The following VGLL3 variants were observed in gnomAD, a reference collection of about 807,000 sequenced individuals.
The protein encoded by VGLL3 is transcription cofactor vestigial-like protein 3.
A neutral mutation model predicts 29.2 loss-of-function variants in VGLL3; 18 were observed. The observed-to-expected ratio is 0.62, with a 90% CI of 0.43 to 0.91. The LOEUF (loss-of-function observed/expected upper bound fraction) is 0.91. Among genes scored for constraint, VGLL3 ranks in the 40% least tolerant of loss-of-function variants. The probability of loss-of-function intolerance (pLI) is 0.00; values close to 1 mark genes in which losing one functional copy is unlikely to be tolerated. For missense variants in VGLL3, 440 were observed against 413.2 expected (o/e 1.06, Z -0.56); for synonymous variants, 180 against 151.8 (o/e 1.19, Z -1.36).
At position 86,941,395 on chromosome 3, in the gene VGLL3, T is replaced by C. The variant is rs1222297076; in HGVS notation, c.*5629A>G. On this transcript the variant is annotated 3_prime_UTR_variant, in exon 4 of 4. Coordinates refer to ENST00000398399, the MANE Select transcript of VGLL3 (RefSeq NM_016206.4). ...CATATACCAAAAAAACTAATTAAAG[T>C]ATGTTGCATTTTAAAAGAATTATTC... is the stretch of plus-strand genomic sequence containing the variant. 2 of 152,402 alleles carry C rather than the reference T, an allele frequency of 1.3e-5. No individual in the cohort carries two copies. Among genetic ancestry groups the C allele is most frequent in the East Asian group, 3.9e-4 (2 of 5,178 alleles). 9.4% of individuals were successfully genotyped at this position (152,402 alleles called of 1,614,324 possible). A position where few individuals can be genotyped will look rare whatever the true frequency, so the allele number is the denominator to read the frequency against.
intron 2 of VGLL3, among the ~76,000 whole-genome samples, chr3:86,972,218 T>C (rs941836310): frequency 4.6e-5 from 7 of 152,212 alleles, no homozygotes; most frequent in African/African-American, 1.7e-4. Flanking sequence ...AGTGAAGACA[T>C]TATTACTGAA....
rs183545536 is a variant in VGLL3, at chr3:86,973,755, C to T, written c.404-4632G>A. 4.7e-3 allele frequency among the ~76,000 whole-genome samples: 719 copies of T among 152,196 alleles called. 2 individuals carry two copies. The highest frequency in any genetic ancestry group is 6.5e-3 in the Non-Finnish European group (443 of 68,012). ...TTTCTCCATTTGACTATTTAGGTTTCGTATTTATTTTGAGAGCTTTTTCCC... is the reference window on the plus strand; with the variant it reads ...TTTCTCCATTTGACTATTTAGGTTTTGTATTTATTTTGAGAGCTTTTTCCC... On this transcript the variant is annotated intron_variant, in intron 2 of 3. Coordinates refer to ENST00000398399, the MANE Select transcript of VGLL3 (RefSeq NM_016206.4).
chr3:86,951,263 T>C (rs1003756470), intron 3 of VGLL3, among the ~76,000 whole-genome samples: 1 of 152,180 alleles, frequency 6.6e-6, no homozygotes, highest in African/African-American at 2.4e-5. Context: ...CAAAATATCA[T>C]AAACTAGATA....
intron 3 of VGLL3, among the ~76,000 whole-genome samples, chr3:86,959,803 A>G (rs1396506509): frequency 6.6e-6 from 1 of 152,136 alleles, no homozygotes; most frequent in Non-Finnish European, 1.5e-5. Flanking sequence ...TTATTTAGCA[A>G]GGTTATTTGT....
intron 3 of VGLL3, among the ~76,000 whole-genome samples, chr3:86,965,042 A>C (rs911083062): frequency 3.9e-5 from 6 of 152,134 alleles, no homozygotes; most frequent in South Asian, 2.1e-4. Flanking sequence ...CTGTAGTCCC[A>C]GCTACTCGGG....
At chr3:86,989,741 C>T (rs1705539355) in intron 1 of VGLL3, among the ~76,000 whole-genome samples, 1 of 152,052 alleles carries the variant, frequency 6.6e-6, no homozygotes, top group Non-Finnish European at 1.5e-5. Context: ...CAGCCCTTGC[C>T]ACATACATTT....
intron 3 of VGLL3, among the ~76,000 whole-genome samples, chr3:86,955,597 T>C (rs1170697939): frequency 6.6e-6 from 1 of 151,930 alleles, no homozygotes; most frequent in Non-Finnish European, 1.5e-5. Flanking sequence ...CACCATGTTG[T>C]CCAGGCTGGT....
At chr3:86,962,571 A>C (rs143704966) in intron 3 of VGLL3, 2 of 969,378 alleles carry the variant, frequency 2.1e-6, no homozygotes, top group East Asian at 2.3e-4. Context: ...CAAAAATTTA[A>C]ATTTAAATAT....
At chr3:86,965,674 A>C (rs1704943243) in intron 3 of VGLL3, among the ~76,000 whole-genome samples, 1 of 152,138 alleles carries the variant, frequency 6.6e-6, no homozygotes, top group African/African-American at 2.4e-5. Context: ...AATTGCCTTC[A>C]GCTGAACAAA....
intron 1 of VGLL3, among the ~76,000 whole-genome samples, chr3:86,987,180 C>A (rs1705460359): frequency 6.6e-6 from 1 of 152,168 alleles, no homozygotes; most frequent in African/African-American, 2.4e-5. Context: ...TCCATTTTCT[C>A]ACTTGTAAAA....
chr3:86,983,137 G>A (rs1012922892), intron 1 of VGLL3, among the ~76,000 whole-genome samples: 1 of 152,118 alleles, frequency 6.6e-6, no homozygotes, highest in Non-Finnish European at 1.5e-5. Flanking sequence ...AATGATTACC[G>A]TGCATATGTG....
rs905928155 is a variant in VGLL3, at chr3:86,943,513, T to G, written c.*3511A>C. ...GTCAGTGCTTAGAATTTGGGTTTTTTTTTTAAAGTCTTATAAAGTTAAAGA... is the reference window on the plus strand; with the variant it reads ...GTCAGTGCTTAGAATTTGGGTTTTTGTTTTAAAGTCTTATAAAGTTAAAGA... On this transcript the variant is annotated 3_prime_UTR_variant, in exon 4 of 4. Transcript: ENST00000398399. 6.6e-6 allele frequency: 1 copy of G among 152,172 alleles called. No homozygotes were observed. Among genetic ancestry groups the G allele is most frequent in the African/African-American group, 2.4e-5 (1 of 41,444 alleles). The allele number at this position is 152,172 out of a possible 1,614,324, so 9.4% of individuals were successfully genotyped here.
Position 86,942,704 on chromosome 3 carries a change from G to C in VGLL3, c.*4320C>G, listed in dbSNP as rs1270707948. Reference sequence around the variant, plus strand: ...GAATTGGACCTACATGCCACTTTAAGGTTAATTTATTTTTCCTTCAGAAAT... The same window carrying C: ...GAATTGGACCTACATGCCACTTTAACGTTAATTTATTTTTCCTTCAGAAAT... On this transcript the variant is annotated 3_prime_UTR_variant, in exon 4 of 4. Transcript: ENST00000398399. 5 of 152,074 alleles carry C rather than the reference G, an allele frequency of 3.3e-5. No individual in the cohort carries two copies. Among genetic ancestry groups the C allele is most frequent in the Non-Finnish European group, 7.4e-5 (5 of 68,024 alleles). The allele number at this position is 152,074 out of a possible 1,614,324, so 9.4% of individuals were successfully genotyped here.
At position 86,990,704 on chromosome 3, in the gene VGLL3, C is replaced by T. The variant is rs773654733; in HGVS notation, c.40G>A (p.Gly14Arg). Residue 14 changes from glycine (G) to arginine (R), a missense_variant, in exon 1 of 4, where the codon GGA becomes AGA. Transcript: ENST00000398399. ...GGGTTGGGCAGATACTGGGACGCTC[C>T]ATAAGGCTGGGGGTGATACATCACC... ...AEVMYHPQPY[G>R]ASQYLPNPMA... 3 of 1,413,864 alleles carry T rather than the reference C, an allele frequency of 2.1e-6. No homozygotes were observed. The South Asian group carries it at 5.3e-5, about 25-fold the overall frequency. The allele number at this position is 1,413,864 out of a possible 1,614,324, so 87.6% of individuals were successfully genotyped here.
chr3:86,986,016 A>AATAT lies in VGLL3; in HGVS notation c.126+4598_126+4601dup, dbSNP rs141919855. ...TCCCTTTGCACAGATAGATATGACAAATATATATATATATACACACACACA... is the reference window on the plus strand; with the variant it reads ...TCCCTTTGCACAGATAGATATGACAAATATATATATATATATATACACACACACA... On this transcript the variant is annotated intron_variant, in intron 1 of 3. Transcript: ENST00000398399. Among the ~76,000 whole-genome samples the AATAT allele has an allele frequency of 2.1e-5, 3 of 142,836 alleles. No homozygotes were observed. The South Asian group carries it at 7.0e-4, about 33-fold the overall frequency. 93.7% of individuals were successfully genotyped at this position (142,836 alleles called of 152,430 possible).
intron 3 of VGLL3, chr3:86,962,854 T>TTCAAAATAGGGAAGCCAGCCTTCACTAC (rs1426434041): frequency 6.9e-6 from 1 of 144,458 alleles, no homozygotes; most frequent in African/African-American, 4.4e-5. Flanking sequence ...GCCTTCACTA[T>TTCAAAATAGGGAAGCCAGCCTTCACTAC]TCAAAATAGG....
intron 1 of VGLL3, among the ~76,000 whole-genome samples, chr3:86,985,983 T>C (rs1705432578): frequency 6.6e-6 from 1 of 151,924 alleles, no homozygotes; most frequent in Admixed American, 6.6e-5. Context: ...TTTATTCCCA[T>C]TGAAAATTCC....
At chr3:86,954,751 G>A (rs909561527) in intron 3 of VGLL3, among the ~76,000 whole-genome samples, 13 of 152,092 alleles carry the variant, frequency 8.5e-5, no homozygotes, top group South Asian at 2.1e-4. Context: ...TTACCAATTC[G>A]GTGACTTCAA....
rs1324501426 is a variant in VGLL3 at position 86,942,986 on chromosome 3, C to T, written c.*4038G>A. ...TTTATTGAACATCTAATATGAGCTA[C>T]ATGATTGATCGTGTGTGTGTGTGTC... On this transcript the variant is annotated 3_prime_UTR_variant, in exon 4 of 4. Transcript: ENST00000398399. 1 of 144,696 alleles carries T rather than the reference C, an allele frequency of 6.9e-6. No homozygotes were observed. The highest frequency in any genetic ancestry group is 2.0e-4 in the East Asian group (1 of 4,966). 9.0% of individuals were successfully genotyped at this position (144,696 alleles called of 1,614,324 possible).
Sources: allele counts gnomAD v4.1 joint callset (sites outside exome capture counted in the v4.1 genomes callset), GRCh38; gene constraint gnomAD v4.1.1; transcripts MANE v1.5; gene names NCBI Gene and HGNC (gene_info 2026-07-23, HGNC 2026-07-21).